The following HAS2 variants were observed in gnomAD, a reference collection of about 807,000 sequenced individuals.
HAS2 encodes the protein hyaluronan synthase 2.
A neutral mutation model predicts 51.6 loss-of-function variants in HAS2; 16 were observed. That is an observed-to-expected ratio of 0.31 (90% CI 0.21 to 0.47). The LOEUF is 0.47. Among genes scored for constraint, HAS2 ranks in the 20% least tolerant of loss-of-function variants. The probability of loss-of-function intolerance (pLI) is 1.00; values close to 1 mark genes in which losing one functional copy is unlikely to be tolerated. For synonymous variants in HAS2, 228 were observed against 235.5 expected (o/e 0.97, Z 0.29); for missense variants, 361 against 662.6 (o/e 0.54, Z 5.00).
chr8:121,617,258 A>T (rs1488013572), intron 2 of HAS2, 52 bp from the exon 3 acceptor site: 2 of 1,087,524 alleles, frequency 1.8e-6, no homozygotes, highest in African/African-American at 3.1e-5. Context: ...AACTATAAAT[A>T]CATTCCCTGT....
chr8:121,614,095 CA>C lies in HAS2; in HGVS notation c.*13del. On this transcript the variant is annotated 3_prime_UTR_variant, in exon 4 of 4. Coordinates refer to ENST00000303924, the MANE Select transcript of HAS2 (RefSeq NM_005328.3). This position sits in a 1 kb window ranked among gnomAD's most constrained non-coding sequence, Gnocchi z 7.2. Reference sequence around the variant, plus strand: ...AGGTGTTGTGTGTGACTGCAAACGTCAAAACATGGAAGATCATACATCAAGC... The same window carrying C: ...AGGTGTTGTGTGTGACTGCAAACGTCAAACATGGAAGATCATACATCAAGC... 1 of 1,613,958 alleles carries C rather than the reference CA, an allele frequency of 6.2e-7. No individual in the cohort carries two copies. Among genetic ancestry groups the C allele is most frequent in the Non-Finnish European group, 8.5e-7 (1 of 1,179,970 alleles).
At chr8:121,628,158 G>T (rs58672470) in intron 2 of HAS2, among the ~76,000 whole-genome samples, 5,233 of 152,072 alleles carry the variant, frequency 0.034, 328 homozygotes, top group African/African-American at 0.12. Context: ...TTTGCTCGAA[G>T]ATTTTTTTTT....
Position 121,614,053 on chromosome 8 carries a change from A to T in HAS2, c.*56T>A. 1 of 1,612,312 alleles carries T rather than the reference A, an allele frequency of 6.2e-7. No individual in the cohort carries two copies. The highest frequency in any genetic ancestry group is 8.5e-7 in the Non-Finnish European group (1 of 1,179,836). ...ATTATCTGATGCCACAATACTGTAC[A>T]GCCCCTAGAGGAACTAAGGTGTTGT... On this transcript the variant is annotated 3_prime_UTR_variant, in exon 4 of 4. Transcript: ENST00000303924. The surrounding 1 kb of genome is among the most constrained non-coding windows in gnomAD (Gnocchi z 7.2).
At chr8:121,633,695 C>T (rs1812966680) in intron 1 of HAS2, among the ~76,000 whole-genome samples, 1 of 152,222 alleles carries the variant, frequency 6.6e-6, no homozygotes, top group Non-Finnish European at 1.5e-5. Context: ...ACTTCTTCCA[C>T]CTGTGGAGCA....
intron 2 of HAS2, among the ~76,000 whole-genome samples, chr8:121,619,078 T>G (rs955914331): frequency 2.0e-5 from 3 of 152,064 alleles, no homozygotes; most frequent in African/African-American, 7.2e-5. Flanking sequence ...ATCCCAACAT[T>G]TTTAAAAGCA....
At chr8:121,626,986 AT>A (rs553078018) in intron 2 of HAS2, among the ~76,000 whole-genome samples, 2 of 152,168 alleles carry the variant, frequency 1.3e-5, no homozygotes, top group South Asian at 2.1e-4. Context: ...ATTTTGTATT[AT>A]TTTTTTCCTG....
At chr8:121,620,183 A>G (rs1249208713) in intron 2 of HAS2, among the ~76,000 whole-genome samples, 3 of 152,194 alleles carry the variant, frequency 2.0e-5, no homozygotes, top group Non-Finnish European at 2.9e-5. Flanking sequence ...TTGGTGATAG[A>G]ATGCCAGCTA....
chr8:121,617,333 T>G (rs1812717166), intron 2 of HAS2, 127 bp from the exon 3 acceptor site: 3 of 608,504 alleles, frequency 4.9e-6, no homozygotes, highest in Admixed American at 6.2e-5. Context: ...TAAGCAAGTA[T>G]CATGATGATA....
At chr8:121,619,289 T>C (rs1812745737) in intron 2 of HAS2, among the ~76,000 whole-genome samples, 1 of 152,206 alleles carries the variant, frequency 6.6e-6, no homozygotes. Flanking sequence ...AAAGGTTTCA[T>C]GTTAATGAAG....
At chr8:121,637,199 T>C (rs1030414803) in intron 1 of HAS2, among the ~76,000 whole-genome samples, 1 of 152,176 alleles carries the variant, frequency 6.6e-6, no homozygotes, top group Non-Finnish European at 1.5e-5. Context: ...TTTTAACTCA[T>C]TTTTTAATTA....
chr8:121,624,904 G>A (rs1027138224), intron 2 of HAS2, among the ~76,000 whole-genome samples: 3 of 152,012 alleles, frequency 2.0e-5, no homozygotes, highest in African/African-American at 7.2e-5. Flanking sequence ...GACCATCCTG[G>A]CTAATACGGT....
Position 121,612,788 on chromosome 8 carries a change from G to C in HAS2, c.*1321C>G, listed in dbSNP as rs1281120631. The C allele has an allele frequency of 2.0e-5, 3 of 152,110 alleles. No individual in the cohort carries two copies. The highest frequency in any genetic ancestry group is 7.2e-5 in the African/African-American group (3 of 41,438). The allele number at this position is 152,110 out of a possible 1,614,324, so 9.4% of individuals were successfully genotyped here. On this transcript the variant is annotated 3_prime_UTR_variant, in exon 4 of 4. Coordinates refer to ENST00000303924, the MANE Select transcript of HAS2 (RefSeq NM_005328.3). ...TCCAGAACAGGAAATAGGAAGTGATGATCTGTGTAATTCAGAAAAACAAAA... is the reference window on the plus strand; with the variant it reads ...TCCAGAACAGGAAATAGGAAGTGATCATCTGTGTAATTCAGAAAAACAAAA...
At chr8:121,619,382 T>C (rs1812746643) in intron 2 of HAS2, among the ~76,000 whole-genome samples, 1 of 152,170 alleles carries the variant, frequency 6.6e-6, no homozygotes, top group Non-Finnish European at 1.5e-5. Context: ...GGTGAACCTA[T>C]CACCCTTCTA....
Position 121,641,182 on chromosome 8 carries a change from G to GTTTTTTTTT in HAS2, c.-331_-330insAAAAAAAAA, listed in dbSNP as rs1240320617. On this transcript the variant is annotated 5_prime_UTR_variant, in exon 1 of 4. Coordinates refer to ENST00000303924, the MANE Select transcript of HAS2 (RefSeq NM_005328.3). ...TCTTTTTTTTTTTTTTTTTTTTTTG[G>GTTTTTTTTT]GCTTCAGTCTTTCTGCCCCCGATAA... 6.1e-5 allele frequency: 3 copies of GTTTTTTTTT among 48,846 alleles called. No individual in the cohort carries two copies. The highest frequency in any genetic ancestry group is 7.0e-5 in the Non-Finnish European group (2 of 28,526). 3.0% of individuals were successfully genotyped at this position (48,846 alleles called of 1,614,324 possible). A position where few individuals can be genotyped will look rare whatever the true frequency, so the allele number is the denominator to read the frequency against.
Position 121,617,057 on chromosome 8 carries a change from T to G in HAS2, c.729+48A>C, listed in dbSNP as rs370550481. The stretch of plus-strand genomic sequence containing the variant: ...ATGAGTCAATGAGTAAAAGTGCTCT[T>G]AAAAGTATTTCATGCAAAACAAACA... On this transcript the variant is annotated intron_variant, in intron 3 of 3. Transcript: ENST00000303924. The G allele has an allele frequency of 5.8e-6, 6 of 1,030,680 alleles. No homozygotes were observed. The African/African-American group carries it at 7.9e-5, about 14-fold the overall frequency. 63.8% of individuals were successfully genotyped at this position (1,030,680 alleles called of 1,614,324 possible). A position where few individuals can be genotyped will look rare whatever the true frequency, so the allele number is the denominator to read the frequency against.
chr8:121,628,338 G>C (rs933296588), intron 2 of HAS2, among the ~76,000 whole-genome samples: 1 of 152,062 alleles, frequency 6.6e-6, no homozygotes, highest in African/African-American at 2.4e-5. Flanking sequence ...TGCTCAGGCA[G>C]ACACTATTTT....
chr8:121,635,598 A>G (rs1424062913), intron 1 of HAS2, among the ~76,000 whole-genome samples: 1 of 152,220 alleles, frequency 6.6e-6, no homozygotes, highest in Non-Finnish European at 1.5e-5. Flanking sequence ...TGAATAAGTC[A>G]TGTGTCCTTG....
intron 1 of HAS2, among the ~76,000 whole-genome samples, chr8:121,633,124 T>C (rs1013092318): frequency 6.6e-6 from 1 of 151,464 alleles, no homozygotes; most frequent in Non-Finnish European, 1.5e-5. Context: ...ACTTTGAAAA[T>C]TGTTTCCCTA....
chr8:121,619,265 A>G (rs1812745613), intron 2 of HAS2, among the ~76,000 whole-genome samples: 1 of 152,210 alleles, frequency 6.6e-6, no homozygotes, highest in Non-Finnish European at 1.5e-5. Context: ...TTTTACTACT[A>G]GCTTTTTTTC....
Sources: allele counts gnomAD v4.1 joint callset (sites outside exome capture counted in the v4.1 genomes callset), GRCh38; gene constraint gnomAD v4.1.1; non-coding constraint Gnocchi (gnomAD v3.1); transcripts MANE v1.5; gene names NCBI Gene and HGNC (gene_info 2026-07-23, HGNC 2026-07-21).